CHST9: variants seen among roughly 807,000 people sequenced by gnomAD.
CHST9 encodes the protein carbohydrate sulfotransferase 9.
CHST9 carries 41 observed loss-of-function variants against 44.4 expected under a neutral mutation model. The observed-to-expected ratio is 0.92, with a 90% CI of 0.72 to 1.20. The LOEUF is 1.20. Ranked by LOEUF, CHST9 falls within the 50% of genes most tolerant of loss-of-function variation. The pLI, the probability that CHST9 is intolerant of heterozygous loss-of-function variation, is 0.00. For missense variants in CHST9, 504 were observed against 516.5 expected, an observed-to-expected ratio of 0.98 and a Z score of 0.23; for synonymous variants, 171 against 178.4, an observed-to-expected ratio of 0.96 and a Z score of 0.33.
rs141275952 is a variant in CHST9, at chr18:27,108,945, A to G, written c.121+33744T>C. Among the ~76,000 whole-genome samples, 31 of 152,334 alleles carry G rather than the reference A, an allele frequency of 2.0e-4. 1 individual carries two copies. The East Asian group carries it at 5.8e-3, about 28-fold the overall frequency. On this transcript the variant is annotated intron_variant, in intron 2 of 5. Coordinates refer to ENST00000618847, the MANE Select transcript of CHST9 (RefSeq NM_031422.6). ...TTTAAAATTTGCTTCAAAGTTTATA[A>G]TAACTGTTATTCTACTTCTCTATAC...
At chr18:27,059,251 G>T (rs2057693248) in intron 2 of CHST9, among the ~76,000 whole-genome samples, 1 of 151,954 alleles carries the variant, frequency 6.6e-6, no homozygotes, top group Non-Finnish European at 1.5e-5. Context: ...CATCAATTGG[G>T]GTACCCATTT....
chr18:27,025,064 G>GTA (rs961160238), intron 3 of CHST9, among the ~76,000 whole-genome samples: 11 of 146,226 alleles, frequency 7.5e-5, no homozygotes, highest in African/African-American at 2.5e-5. Context: ...ATATATATAT[G>GTA]TATATATATA....
chr18:26,944,996 C>A (rs1421670439), intron 4 of CHST9, among the ~76,000 whole-genome samples: 1 of 152,076 alleles, frequency 6.6e-6, no homozygotes, highest in African/African-American at 2.4e-5. Flanking sequence ...TAATATATTT[C>A]TCTGTCATTG....
chr18:26,958,888 G>C (rs1664924448), intron 4 of CHST9, among the ~76,000 whole-genome samples: 1 of 152,210 alleles, frequency 6.6e-6, no homozygotes, highest in Non-Finnish European at 1.5e-5. Context: ...AATTAGTTCA[G>C]CCACTGTGGA....
At chr18:26,918,923 G>C (rs1281342395) in intron 5 of CHST9, among the ~76,000 whole-genome samples, 2 of 152,048 alleles carry the variant, frequency 1.3e-5, no homozygotes, top group Non-Finnish European at 2.9e-5. Flanking sequence ...AATTTATAAA[G>C]AAAAAGATGT....
chr18:26,949,393 T>TA (rs1227891760), intron 4 of CHST9, among the ~76,000 whole-genome samples: 1 of 151,780 alleles, frequency 6.6e-6, no homozygotes, highest in Non-Finnish European at 1.5e-5. Context: ...CTTTTTTTTT[T>TA]AATTAGCTGG....
At chr18:26,937,026 A>G (rs2056006099) in intron 5 of CHST9, among the ~76,000 whole-genome samples, 1 of 152,218 alleles carries the variant, frequency 6.6e-6, no homozygotes, top group Non-Finnish European at 1.5e-5. Context: ...TGCTTTTCTA[A>G]GAAACACAAA....
At chr18:27,116,406 T>A (rs1271485546) in intron 2 of CHST9, among the ~76,000 whole-genome samples, 1 of 152,196 alleles carries the variant, frequency 6.6e-6, no homozygotes, top group Non-Finnish European at 1.5e-5. Context: ...TTGCCAACCC[T>A]GTTGAAAATC....
intron 5 of CHST9, among the ~76,000 whole-genome samples, chr18:26,923,478 G>T (rs1197681457): frequency 3.9e-5 from 6 of 152,184 alleles, no homozygotes. Flanking sequence ...TTGAAGCAAA[G>T]AATATCATTC....
chr18:27,113,970 T>G (rs1156700650), intron 2 of CHST9, among the ~76,000 whole-genome samples: 1 of 152,284 alleles, frequency 6.6e-6, no homozygotes, highest in Admixed American at 6.5e-5. Flanking sequence ...GCATGAAAAT[T>G]TAAATGTTAG....
Position 27,142,863 on chromosome 18 carries a change from C to A in CHST9, c.-54G>T. On this transcript the variant is annotated 5_prime_UTR_variant, in exon 2 of 6. Coordinates refer to ENST00000618847, the MANE Select transcript of CHST9 (RefSeq NM_031422.6). ...CATGATTTGTTTTCCCGTAAAACTT[C>A]AGTCTTTTCTTGTTCTCTAAGAGCC... The A allele has an allele frequency of 6.5e-7, 1 of 1,542,704 alleles. No individual in the cohort carries two copies. Among genetic ancestry groups the A allele is most frequent in the Non-Finnish European group, 8.7e-7 (1 of 1,145,076 alleles).
At chr18:26,987,966 G>A (rs1417120975) in intron 4 of CHST9, among the ~76,000 whole-genome samples, 5 of 152,218 alleles carry the variant, frequency 3.3e-5, no homozygotes, top group Non-Finnish European at 7.4e-5. Flanking sequence ...CCCAATTTAT[G>A]ACATTTTGTT....
intron 1 of CHST9, among the ~76,000 whole-genome samples, chr18:27,173,042 G>A (rs1270380455): frequency 2.0e-5 from 3 of 151,968 alleles, no homozygotes. Context: ...TTTACAGTAT[G>A]AGGAATATTT....
At chr18:26,997,664 C>T (rs766619724) in intron 4 of CHST9, among the ~76,000 whole-genome samples, 19 of 152,174 alleles carry the variant, frequency 1.2e-4, no homozygotes, top group African/African-American at 2.2e-4. Flanking sequence ...GGCCATTCCA[C>T]GACATCACCC....
intron 1 of CHST9, among the ~76,000 whole-genome samples, chr18:27,148,769 A>T (rs1230530035): frequency 1.5e-5 from 2 of 133,314 alleles, no homozygotes; most frequent in Non-Finnish European, 3.3e-5. Context: ...TTTGGTATAT[A>T]CCCAGTAATA....
intron 2 of CHST9, among the ~76,000 whole-genome samples, chr18:27,074,675 A>G (rs1428187561): frequency 2.0e-5 from 3 of 152,116 alleles, no homozygotes; most frequent in Admixed American, 1.3e-4. Flanking sequence ...TTCTATTTAT[A>G]TAAAACACAT....
At chr18:27,088,001 G>A (rs943440025) in intron 2 of CHST9, among the ~76,000 whole-genome samples, 1 of 152,072 alleles carries the variant, frequency 6.6e-6, no homozygotes, top group African/African-American at 2.4e-5. Flanking sequence ...AAAGCCAAAC[G>A]CTCCTTTTCA....
intron 4 of CHST9, among the ~76,000 whole-genome samples, chr18:26,967,946 T>C (rs1467868538): frequency 6.6e-6 from 1 of 152,238 alleles, no homozygotes; most frequent in African/African-American, 2.4e-5. Context: ...AACATCAGAC[T>C]CCAAGTTCTT....
rs1445241360 is a variant in CHST9, at chr18:26,908,411, C to T, written c.*7848G>A. On this transcript the variant is annotated 3_prime_UTR_variant, in exon 6 of 6. Transcript: ENST00000618847. ...CAGCCTGGGCGACAAGAGTGAAACT[C>T]TGTCTCAAAAAAAAAAATAGGTAAG... 1.4e-5 allele frequency: 2 copies of T among 142,566 alleles called. No individual in the cohort carries two copies. Among genetic ancestry groups the T allele is most frequent in the African/African-American group, 5.2e-5 (2 of 38,324 alleles). 8.8% of individuals were successfully genotyped at this position (142,566 alleles called of 1,614,324 possible).
Sources: gnomAD v4.1 joint callset for allele counts (sites outside exome capture counted in the v4.1 genomes callset) on GRCh38, gnomAD v4.1.1 for gene constraint, MANE v1.5 for transcripts, NCBI Gene and HGNC (gene_info 2026-07-23, HGNC 2026-07-21) for gene names.